Variants in DGKB observed in about 807,000 individuals in gnomAD.
DGKB encodes the protein 90 kDa diacylglycerol kinase.
DGKB carries 67 observed loss-of-function variants against 114.3 expected under a neutral mutation model. The ratio of observed to expected loss-of-function variants is 0.59; its 90% CI spans 0.48 to 0.72. DGKB has a LOEUF of 0.72. Ranked by LOEUF, DGKB falls within the 30% of genes least tolerant of loss-of-function variation. The pLI, the probability that DGKB is intolerant of heterozygous loss-of-function variation, is 0.00. For missense variants in DGKB, 907 were observed against 975.2 expected, an observed-to-expected ratio of 0.93 and a Z score of 0.93; for synonymous variants, 398 against 323.1, an observed-to-expected ratio of 1.23 and a Z score of -2.49.
rs182269607 is a variant in DGKB, at chr7:14,339,757, C to T, written c.1927-1047G>A. Among the ~76,000 whole-genome samples the T allele has an allele frequency of 1.0e-3, 154 of 151,868 alleles. 1 individual carries two copies. The highest frequency in any genetic ancestry group is 6.8e-3 in the Middle Eastern group (2 of 294). On this transcript the variant is annotated intron_variant, in intron 22 of 25. Transcript: ENST00000402815. ...AAGTGAATATGAAAAGAGATATAAG[C>T]GCTTTGTTTTTAAAAGAACTTTGTG...
intron 23 of DGKB, among the ~76,000 whole-genome samples, chr7:14,217,212 T>C (rs1789128303): frequency 6.9e-6 from 1 of 144,768 alleles, no homozygotes. Flanking sequence ...TTATTAAAAT[T>C]TTAAAGTGAG....
chr7:14,735,183 G>C (rs1016506204), intron 5 of DGKB, among the ~76,000 whole-genome samples: 15 of 152,194 alleles, frequency 9.9e-5, no homozygotes, highest in African/African-American at 3.6e-4. Flanking sequence ...TCAGAGGTCT[G>C]AGTTCCTGGG....
At chr7:14,501,172 C>G (rs905125579) in intron 20 of DGKB, among the ~76,000 whole-genome samples, 6 of 151,830 alleles carry the variant, frequency 4.0e-5, no homozygotes. Context: ...TTATAGGAAT[C>G]ACAAGGTTGT....
intron 5 of DGKB, among the ~76,000 whole-genome samples, chr7:14,725,671 C>T (rs1374306662): frequency 2.0e-5 from 3 of 151,976 alleles, no homozygotes; most frequent in African/African-American, 7.2e-5. Context: ...CCTCAGCCTC[C>T]AAGAAGCTGG....
chr7:14,774,404 T>TA (rs1406550196), intron 2 of DGKB, among the ~76,000 whole-genome samples: 1 of 152,196 alleles, frequency 6.6e-6, no homozygotes, highest in Non-Finnish European at 1.5e-5. Context: ...AATCTGAAGT[T>TA]ACGGAAAAGC....
chr7:14,393,077 C>CT (rs1270190442), intron 21 of DGKB, among the ~76,000 whole-genome samples: 22 of 144,018 alleles, frequency 1.5e-4, no homozygotes, highest in Non-Finnish European at 2.4e-4. Context: ...CAAGCTCTGC[C>CT]CCCTGGGGTT....
intron 1 of DGKB, among the ~76,000 whole-genome samples, chr7:14,879,097 C>T (rs933357329): frequency 1.3e-5 from 2 of 151,848 alleles, no homozygotes; most frequent in African/African-American, 4.9e-5. Context: ...CACACAGATC[C>T]TTGATATATT....
chr7:14,744,697 AAGACTGAAGTCTATT>A (rs1440612028), intron 4 of DGKB, among the ~76,000 whole-genome samples: 1 of 152,218 alleles, frequency 6.6e-6, no homozygotes, highest in Admixed American at 6.5e-5. Flanking sequence ...GGCCAAGTAT[AAGACTGAAGTCTATT>A]TTGCAAACAA....
intron 2 of DGKB, among the ~76,000 whole-genome samples, chr7:14,792,509 G>A (rs1184071085): frequency 1.3e-5 from 2 of 151,996 alleles, no homozygotes; most frequent in African/African-American, 4.8e-5. Context: ...TCTGCTTTGG[G>A]CAAAATGAAT....
intron 23 of DGKB, among the ~76,000 whole-genome samples, chr7:14,270,837 G>A (rs1247803108): frequency 1.3e-5 from 2 of 152,120 alleles, no homozygotes; most frequent in Admixed American, 1.3e-4. Flanking sequence ...TCTGTAGGGG[G>A]GTGGGGTAGA....
At chr7:14,355,833 A>T (rs192122400) in intron 21 of DGKB, among the ~76,000 whole-genome samples, 155 of 152,164 alleles carry the variant, frequency 1.0e-3, no homozygotes, top group African/African-American at 3.5e-3. Context: ...TGTTGATTGG[A>T]ATAGTTTCAG....
upstream of DGKB, among the ~76,000 whole-genome samples, chr7:14,908,053 A>G (rs1783798044): frequency 6.6e-6 from 1 of 152,184 alleles, no homozygotes; most frequent in Admixed American, 6.5e-5. Flanking sequence ...CCAGCCATTT[A>G]TTTGGCTGTC....
At chr7:14,373,470 G>T (rs767888199) in intron 21 of DGKB, among the ~76,000 whole-genome samples, 1 of 152,010 alleles carries the variant, frequency 6.6e-6, no homozygotes, top group Admixed American at 6.6e-5. Flanking sequence ...CATTTATTCC[G>T]TACAGTGAGT....
intron 7 of DGKB, 42 bp from the exon 8 acceptor site, chr7:14,698,211 T>G: frequency 1.6e-6 from 2 of 1,224,356 alleles, no homozygotes; most frequent in Non-Finnish European, 2.3e-6. Flanking sequence ...TACAAGATCT[T>G]AGTGAGTTTT....
chr7:14,724,038 A>C (rs1161953848), intron 5 of DGKB, among the ~76,000 whole-genome samples: 3 of 152,182 alleles, frequency 2.0e-5, no homozygotes, highest in Non-Finnish European at 2.9e-5. Context: ...ATTTCATATA[A>C]TGTAAACAGT....
At chr7:14,649,210 G>A (rs1813863188) in intron 13 of DGKB, among the ~76,000 whole-genome samples, 1 of 148,794 alleles carries the variant, frequency 6.7e-6, no homozygotes, top group African/African-American at 2.5e-5. Flanking sequence ...CACCAAAGTT[G>A]AAATGAAGGA....
chr7:14,347,805 C>G (rs981456395), intron 21 of DGKB, among the ~76,000 whole-genome samples: 56 of 151,946 alleles, frequency 3.7e-4, no homozygotes, highest in African/African-American at 1.3e-3. Flanking sequence ...TATGTGAAGT[C>G]ATGGATATGT....
At chr7:14,254,086 AAAG>A (rs1795620445) in intron 23 of DGKB, among the ~76,000 whole-genome samples, 1 of 152,212 alleles carries the variant, frequency 6.6e-6, no homozygotes, top group African/African-American at 2.4e-5. Flanking sequence ...GAGAGGTACA[AAAG>A]AAGAAGTAGG....
chr7:14,674,005 C>T (rs1819438911), intron 12 of DGKB, among the ~76,000 whole-genome samples: 1 of 152,040 alleles, frequency 6.6e-6, no homozygotes, highest in South Asian at 2.1e-4. Flanking sequence ...ACATACATAC[C>T]TTTGTGAGCA....
Sources: gnomAD v4.1 joint callset for allele counts (sites outside exome capture counted in the v4.1 genomes callset) on GRCh38, gnomAD v4.1.1 for gene constraint, MANE v1.5 for transcripts, NCBI Gene and HGNC (gene_info 2026-07-23, HGNC 2026-07-21) for gene names.